The following CUX2 variants were observed in gnomAD, a reference collection of about 807,000 sequenced individuals.
CUX2 encodes cut like homeobox 2.
CUX2 carries 40 observed loss-of-function variants against 144.8 expected under a neutral mutation model. The ratio of observed to expected loss-of-function variants is 0.28; its 90% CI spans 0.21 to 0.36. The LOEUF is 0.36. Among genes scored for constraint, CUX2 ranks in the 10% least tolerant of loss-of-function variants. The probability of loss-of-function intolerance (pLI) is 1.00; values close to 1 mark genes in which losing one functional copy is unlikely to be tolerated. For missense variants in CUX2, 1,615 were observed against 1,994.0 expected, an observed-to-expected ratio of 0.81 and a Z score of 3.62; for synonymous variants, 827 against 875.6, an observed-to-expected ratio of 0.94 and a Z score of 0.98.
At chr12:111,083,859 C>G (rs918708872) in intron 1 of CUX2, among the ~76,000 whole-genome samples, 1 of 152,120 alleles carries the variant, frequency 6.6e-6, no homozygotes, top group Non-Finnish European at 1.5e-5. Context: ...CAGGGCAGCC[C>G]GCCTTTGGCC....
chr12:111,235,724 A>T (rs1222208038), intron 3 of CUX2, among the ~76,000 whole-genome samples: 1 of 152,066 alleles, frequency 6.6e-6, no homozygotes, highest in Non-Finnish European at 1.5e-5. Context: ...CCATCTCAAA[A>T]AAAAAAAAGA....
chr12:111,287,897 G>C lies in CUX2; in HGVS notation c.302-3521G>C, dbSNP rs1476565494. Among the ~76,000 whole-genome samples the C allele has an allele frequency of 6.6e-6, 1 of 152,224 alleles. No homozygotes were observed. Among genetic ancestry groups the C allele is most frequent in the Non-Finnish European group, 1.5e-5 (1 of 68,038 alleles). ...AGATCTTTGTTGGGTTGGACTGTGGGTCATACTTCATGGTAGGTAGAAGAA... is the reference window on the plus strand; with the variant it reads ...AGATCTTTGTTGGGTTGGACTGTGGCTCATACTTCATGGTAGGTAGAAGAA... On this transcript the variant is annotated intron_variant, in intron 4 of 21. Coordinates refer to ENST00000261726, the MANE Select transcript of CUX2 (RefSeq NM_015267.4). The surrounding 1 kb of genome is among the most constrained non-coding windows in gnomAD (Gnocchi z 4.2).
intron 1 of CUX2, among the ~76,000 whole-genome samples, chr12:111,185,970 CCT>C (rs1879503845): frequency 1.3e-5 from 2 of 151,854 alleles, no homozygotes; most frequent in African/African-American, 4.8e-5. Flanking sequence ...TCTCTCTCCC[CCT>C]CTCTTTCTGT....
Position 111,263,682 on chromosome 12 carries a change from G to GAA in CUX2, c.223-70_223-69dup. The GAA allele has an allele frequency of 2.8e-6, 3 of 1,065,204 alleles. No homozygotes were observed. The highest frequency in any genetic ancestry group is 1.4e-5 in the South Asian group (1 of 72,326). The allele number at this position is 1,065,204 out of a possible 1,614,324, so 66.0% of individuals were successfully genotyped here. A position where few individuals can be genotyped will look rare whatever the true frequency, so the allele number is the denominator to read the frequency against. On this transcript the variant is annotated intron_variant, in intron 3 of 21. Coordinates refer to ENST00000261726, the MANE Select transcript of CUX2 (RefSeq NM_015267.4). The surrounding 1 kb of genome is among the most constrained non-coding windows in gnomAD (Gnocchi z 4.0). ...AAAAACCTGCAGATGTTTTCTTGTGGAAAAAAAAAATGATGAAATTTGCTT... is the reference window on the plus strand; with the variant it reads ...AAAAACCTGCAGATGTTTTCTTGTGGAAAAAAAAAAAATGATGAAATTTGCTT...
At chr12:111,145,908 T>C (rs1876639133) in intron 1 of CUX2, among the ~76,000 whole-genome samples, 1 of 152,076 alleles carries the variant, frequency 6.6e-6, no homozygotes, top group East Asian at 1.9e-4. Context: ...GGTTTCACCA[T>C]ATTGGCCAGG....
chr12:111,173,229 G>C (rs2136169946), intron 1 of CUX2, among the ~76,000 whole-genome samples: 1 of 152,322 alleles, frequency 6.6e-6, no homozygotes, highest in South Asian at 2.1e-4. Flanking sequence ...TGTTCTTGTT[G>C]TTCTAATTTG....
intron 1 of CUX2, among the ~76,000 whole-genome samples, chr12:111,075,119 G>A (rs1871457208): frequency 6.8e-6 from 1 of 147,344 alleles, no homozygotes; most frequent in Non-Finnish European, 1.5e-5. Context: ...CGCACCCTGA[G>A]CCCTGCTCAC....
chr12:111,276,272 T>C (rs2136308243), intron 4 of CUX2, among the ~76,000 whole-genome samples: 1 of 152,266 alleles, frequency 6.6e-6, no homozygotes, highest in African/African-American at 2.4e-5. Flanking sequence ...GAGGATCACA[T>C]GAGCCCAAGG....
At chr12:111,087,396 A>G (rs896098159) in intron 1 of CUX2, among the ~76,000 whole-genome samples, 1 of 144,146 alleles carries the variant, frequency 6.9e-6, no homozygotes, top group African/African-American at 2.7e-5. Context: ...AAAAAAAAAG[A>G]AAGAAAAGAA....
At chr12:111,256,417 C>A (rs946805916) in intron 3 of CUX2, among the ~76,000 whole-genome samples, 1 of 152,162 alleles carries the variant, frequency 6.6e-6, no homozygotes, top group Non-Finnish European at 1.5e-5. Flanking sequence ...CCTCCAAGCA[C>A]CTGCCTCCTC....
intron 1 of CUX2, among the ~76,000 whole-genome samples, chr12:111,162,165 C>G (rs1433189066): frequency 1.3e-5 from 2 of 152,236 alleles, no homozygotes; most frequent in African/African-American, 4.8e-5. Flanking sequence ...GCGGCATTGC[C>G]GGGCCTGGTG....
chr12:111,324,882 G>C (rs1479109800), intron 18 of CUX2, among the ~76,000 whole-genome samples: 1 of 152,170 alleles, frequency 6.6e-6, no homozygotes, highest in Non-Finnish European at 1.5e-5. Context: ...ATGGGTGGAA[G>C]GGAGGGGAGG....
intron 1 of CUX2, among the ~76,000 whole-genome samples, chr12:111,060,820 T>C (rs1039649286): frequency 6.6e-6 from 1 of 152,184 alleles, no homozygotes; most frequent in Non-Finnish European, 1.5e-5. Flanking sequence ...AAGGAAAAAG[T>C]TAGGCCATGG....
intron 3 of CUX2, among the ~76,000 whole-genome samples, chr12:111,231,139 T>A (rs977445825): frequency 5.9e-5 from 9 of 152,132 alleles, no homozygotes; most frequent in African/African-American, 2.2e-4. Context: ...AACACCACCA[T>A]CCATCTCCAG....
rs140962592 is a variant in CUX2, at chr12:111,259,227, T to C, written c.223-4534T>C. ...TCAGGATAATTTCTTATCTCTGTTT[T>C]TAAAAATATTATCCAGCTGTTAGAT... On this transcript the variant is annotated intron_variant, in intron 3 of 21. Coordinates refer to ENST00000261726, the MANE Select transcript of CUX2 (RefSeq NM_015267.4). Among the ~76,000 whole-genome samples, 283 of 152,276 alleles carry C rather than the reference T, an allele frequency of 1.9e-3. 2 individuals carry two copies. Among genetic ancestry groups the C allele is most frequent in the African/African-American group, 6.4e-3 (266 of 41,566 alleles).
intron 4 of CUX2, among the ~76,000 whole-genome samples, chr12:111,270,898 G>C (rs571566342): frequency 6.6e-6 from 1 of 152,278 alleles, no homozygotes; most frequent in South Asian, 2.1e-4. Context: ...TCTCAGTTTG[G>C]TGTTTTGTGC....
At position 111,309,019 on chromosome 12, in the gene CUX2, C is replaced by T. The variant is rs113759031; in HGVS notation, c.1258+493C>T. ...TCCTGGGTTCAAGCAATTCACCTGC[C>T]TCGGCCTCCTGAGTAGCTGGGATTA... On this transcript the variant is annotated intron_variant, in intron 14 of 21. Transcript: ENST00000261726. Among the ~76,000 whole-genome samples, 465 of 152,302 alleles carry T rather than the reference C, an allele frequency of 3.1e-3. 1 individual carries two copies. Among genetic ancestry groups the T allele is most frequent in the Non-Finnish European group, 5.9e-3 (399 of 68,032 alleles).
intron 1 of CUX2, among the ~76,000 whole-genome samples, chr12:111,044,154 G>A (rs1869886853): frequency 6.6e-6 from 1 of 152,092 alleles, no homozygotes; most frequent in South Asian, 2.1e-4. Context: ...AAATCTCTTT[G>A]CCATATGACC....
intron 3 of CUX2, among the ~76,000 whole-genome samples, chr12:111,257,612 T>TTCC (rs1338540649): frequency 9.4e-5 from 10 of 106,944 alleles, no homozygotes; most frequent in Non-Finnish European, 1.9e-4. Flanking sequence ...CTCCTCACTC[T>TTCC]TCCTCCTCCC....
Sources: gnomAD v4.1 joint callset for allele counts (sites outside exome capture counted in the v4.1 genomes callset) on GRCh38, gnomAD v4.1.1 for gene constraint, Gnocchi (gnomAD v3.1) non-coding constraint, MANE v1.5 for transcripts, NCBI Gene and HGNC (gene_info 2026-07-23, HGNC 2026-07-21) for gene names.